The following IGF1R variants were observed in gnomAD, a reference collection of about 807,000 sequenced individuals.
IGF1R encodes insulin-like growth factor 1 receptor.
IGF1R carries 44 observed loss-of-function variants against 144.6 expected under a neutral mutation model. The ratio of observed to expected loss-of-function variants is 0.30; its 90% CI spans 0.24 to 0.39. The LOEUF is 0.39. Ranked by LOEUF, IGF1R falls within the 10% of genes least tolerant of loss-of-function variation. IGF1R has a pLI of 1.00. For missense variants in IGF1R, 1,355 were observed against 1,833.7 expected, an observed-to-expected ratio of 0.74 and a Z score of 4.77; for synonymous variants, 795 against 722.8, an observed-to-expected ratio of 1.10 and a Z score of -1.60.
chr15:98,740,857 T>G (rs1400262771), intron 2 of IGF1R, among the ~76,000 whole-genome samples: 3 of 152,222 alleles, frequency 2.0e-5, no homozygotes, highest in Non-Finnish European at 2.9e-5. Flanking sequence ...CTACTTTCTC[T>G]TATGTATCTG....
In IGF1R at chr15:98,897,530, C is replaced by A. The variant is rs554973251; in HGVS notation, c.1102+625C>A. 5.2e-5 allele frequency: 8 copies of A among 154,196 alleles called. No homozygotes were observed. In the East Asian group the frequency reaches 1.5e-3, roughly 30 times the overall value. 9.6% of individuals were successfully genotyped at this position (154,196 alleles called of 1,614,324 possible). ...TTGGATTTGTGCAAAGGATTTCCCA[C>A]TGACTTAGCCTATGATCTCTTCACT... On this transcript the variant is annotated intron_variant, in intron 4 of 20. Transcript: ENST00000650285.
At chr15:98,701,198 G>GT (rs556542826) in intron 1 of IGF1R, among the ~76,000 whole-genome samples, 56 of 152,124 alleles carry the variant, frequency 3.7e-4, no homozygotes, top group Non-Finnish European at 5.0e-4. Context: ...TACCATTAGA[G>GT]TTAAAGATGA....
intron 2 of IGF1R, among the ~76,000 whole-genome samples, chr15:98,821,941 C>T (rs748949514): frequency 1.3e-5 from 2 of 152,172 alleles, no homozygotes; most frequent in Non-Finnish European, 2.9e-5. Context: ...TTTCCCTTTC[C>T]CTTCCACAGG....
chr15:98,806,999 G>GA lies in IGF1R; in HGVS notation c.641-84318dup, dbSNP rs1490545593. Among the ~76,000 whole-genome samples, 5 of 151,756 alleles carry GA rather than the reference G, an allele frequency of 3.3e-5. No homozygotes were observed. The East Asian group carries it at 9.7e-4, about 29-fold the overall frequency. ...AACATGGTGAAACCCCGTCTCAAAA[G>GA]AAAAAAAAGAAAAGAAAATTGGAGA... On this transcript the variant is annotated intron_variant, in intron 2 of 20. Coordinates refer to ENST00000650285, the MANE Select transcript of IGF1R (RefSeq NM_000875.5).
At chr15:98,845,322 T>C (rs1418859617) in intron 2 of IGF1R, among the ~76,000 whole-genome samples, 1 of 152,210 alleles carries the variant, frequency 6.6e-6, no homozygotes, top group East Asian at 1.9e-4. Flanking sequence ...ATTTGGAATC[T>C]GAGTCAGTCG....
At chr15:98,804,535 A>C (rs758118948) in intron 2 of IGF1R, among the ~76,000 whole-genome samples, 34 of 152,188 alleles carry the variant, frequency 2.2e-4, no homozygotes, top group Non-Finnish European at 4.7e-4. Flanking sequence ...ATGGGGATGC[A>C]CTCCAGAGAA....
chr15:98,904,976 A>G (rs529777561), intron 5 of IGF1R, among the ~76,000 whole-genome samples: 2 of 152,282 alleles, frequency 1.3e-5, no homozygotes, highest in East Asian at 1.9e-4. Flanking sequence ...AATTCTTCCA[A>G]CTGGCCTCAG....
intron 2 of IGF1R, among the ~76,000 whole-genome samples, chr15:98,732,429 C>T (rs769877889): frequency 2.6e-5 from 4 of 152,170 alleles, no homozygotes; most frequent in Non-Finnish European, 4.4e-5. Context: ...CCTGACTTTA[C>T]AGGCAGTGAC....
At chr15:98,667,278 T>C (rs2052767029) in intron 1 of IGF1R, among the ~76,000 whole-genome samples, 1 of 152,260 alleles carries the variant, frequency 6.6e-6, no homozygotes, top group Non-Finnish European at 1.5e-5. Flanking sequence ...GAGATTTGTT[T>C]AGATGTTTGA....
intron 2 of IGF1R, among the ~76,000 whole-genome samples, chr15:98,751,414 C>T (rs1034812767): frequency 6.6e-6 from 1 of 152,102 alleles, no homozygotes; most frequent in Non-Finnish European, 1.5e-5. Flanking sequence ...CGCCATGTTG[C>T]CCAGGTGTCT....
At chr15:98,855,191 T>TC (rs1385875375) in intron 2 of IGF1R, among the ~76,000 whole-genome samples, 1 of 152,098 alleles carries the variant, frequency 6.6e-6, no homozygotes, top group Non-Finnish European at 1.5e-5. Flanking sequence ...TTTCTCTGTG[T>TC]CCCCCCATGA....
Position 98,935,527 on chromosome 15 carries a change from T to G in IGF1R, c.3297+101T>G, listed in dbSNP as rs2016109177. The G allele has an allele frequency of 1.3e-6, 1 of 783,302 alleles. No individual in the cohort carries two copies. Among genetic ancestry groups the G allele is most frequent in the East Asian group, 2.7e-5 (1 of 37,512 alleles). 48.5% of individuals were successfully genotyped at this position (783,302 alleles called of 1,614,324 possible). On this transcript the variant is annotated intron_variant, in intron 17 of 20. Transcript: ENST00000650285. The surrounding 1 kb of genome is among the most constrained non-coding windows in gnomAD (Gnocchi z 4.2). Reference sequence around the variant, plus strand: ...ATGCTGTGTCTTTAAATCAGTTTACTTTCCAGCATCCAGTGTTTCTTACTG... The same window carrying G: ...ATGCTGTGTCTTTAAATCAGTTTACGTTCCAGCATCCAGTGTTTCTTACTG...
rs1333030473 is a variant in IGF1R at position 98,948,840 on chromosome 15, G to C, written c.3722+132G>C. 2.8e-6 allele frequency: 3 copies of C among 1,087,320 alleles called. No individual in the cohort carries two copies. In the Admixed American group the frequency reaches 5.2e-5, roughly 19 times the overall value. 67.4% of individuals were successfully genotyped at this position (1,087,320 alleles called of 1,614,324 possible). A position where few individuals can be genotyped will look rare whatever the true frequency, so the allele number is the denominator to read the frequency against. Reference sequence around the variant, plus strand: ...CGCCTCCCTTGCCAGGCGTGGCTAAGAGGTTTGTCCTTGTGGAAGGAGCTG... The same window carrying C: ...CGCCTCCCTTGCCAGGCGTGGCTAACAGGTTTGTCCTTGTGGAAGGAGCTG... On this transcript the variant is annotated intron_variant, in intron 20 of 20. Coordinates refer to ENST00000650285, the MANE Select transcript of IGF1R (RefSeq NM_000875.5).
chr15:98,899,391 TTG>T (rs1374550907), intron 4 of IGF1R, 84 bp from the exon 5 acceptor site: 10 of 1,400,766 alleles, frequency 7.1e-6, no homozygotes, highest in Non-Finnish European at 1.0e-5. Flanking sequence ...TGCCGTTGAA[TTG>T]TTCTCACTTG....
intron 2 of IGF1R, among the ~76,000 whole-genome samples, chr15:98,793,953 G>T (rs1400390650): frequency 6.6e-6 from 1 of 152,156 alleles, no homozygotes; most frequent in African/African-American, 2.4e-5. Context: ...GGCAATTTTT[G>T]ATGGAAAATT....
intron 2 of IGF1R, among the ~76,000 whole-genome samples, chr15:98,864,307 TATTTA>T (rs1183528437): frequency 6.6e-6 from 1 of 152,228 alleles, no homozygotes. Flanking sequence ...GGAGGCCCCC[TATTTA>T]ATTAAATTTC....
Position 98,961,365 on chromosome 15 carries a change from T to C in IGF1R, c.*3923T>C, listed in dbSNP as rs73465763. Reference sequence around the variant, plus strand: ...GCTTTTAAGTAGAAAACACTAACAGTGTAGTGCCCATCATAGCAAATGCTT... The same window carrying C: ...GCTTTTAAGTAGAAAACACTAACAGCGTAGTGCCCATCATAGCAAATGCTT... On this transcript the variant is annotated 3_prime_UTR_variant, in exon 21 of 21. Coordinates refer to ENST00000650285, the MANE Select transcript of IGF1R (RefSeq NM_000875.5). 414 of 233,532 alleles carry C rather than the reference T, an allele frequency of 1.8e-3. No homozygotes were observed. The highest frequency in any genetic ancestry group is 8.7e-3 in the African/African-American group (395 of 45,472). The allele number at this position is 233,532 out of a possible 1,614,324, so 14.5% of individuals were successfully genotyped here. A position where few individuals can be genotyped will look rare whatever the true frequency, so the allele number is the denominator to read the frequency against.
chr15:98,652,258 A>G (rs1026867315), intron 1 of IGF1R, among the ~76,000 whole-genome samples: 3 of 152,232 alleles, frequency 2.0e-5, no homozygotes, highest in Non-Finnish European at 4.4e-5. Flanking sequence ...TCTGAGGGCT[A>G]TTTTGTTTTT....
chr15:98,790,591 C>T (rs1023117710), intron 2 of IGF1R, among the ~76,000 whole-genome samples: 1 of 152,148 alleles, frequency 6.6e-6, no homozygotes, highest in Non-Finnish European at 1.5e-5. Flanking sequence ...GGGGCCACTG[C>T]ACCTGCTCCA....
Sources: allele counts gnomAD v4.1 joint callset (sites outside exome capture counted in the v4.1 genomes callset), GRCh38; gene constraint gnomAD v4.1.1; non-coding constraint Gnocchi (gnomAD v3.1); transcripts MANE v1.5; gene names NCBI Gene and HGNC (gene_info 2026-07-23, HGNC 2026-07-21).